Variants in RBM19 observed in about 807,000 individuals in gnomAD.
RBM19 encodes the protein probable RNA-binding protein 19.
Under a neutral mutation model 116.8 loss-of-function variants are expected in RBM19, and 94 were observed. That is an observed-to-expected ratio of 0.80 (90% CI 0.68 to 0.95). RBM19 has a LOEUF of 0.95. Ranked by LOEUF, RBM19 falls within the 40% of genes least tolerant of loss-of-function variation. The probability of loss-of-function intolerance (pLI) is 0.00; values close to 1 mark genes in which losing one functional copy is unlikely to be tolerated. For synonymous variants in RBM19, 475 were observed against 494.1 expected, an observed-to-expected ratio of 0.96 and a Z score of 0.51; for missense variants, 1,161 against 1,220.7, an observed-to-expected ratio of 0.95 and a Z score of 0.73.
intron 7 of RBM19, among the ~76,000 whole-genome samples, chr12:113,953,351 G>A (rs1871633685): frequency 6.6e-6 from 1 of 152,154 alleles, no homozygotes; most frequent in South Asian, 2.1e-4. Flanking sequence ...AGCTGGACAT[G>A]GTGACAGGTG....
intron 23 of RBM19, among the ~76,000 whole-genome samples, chr12:113,836,546 G>A (rs1001990958): frequency 2.6e-5 from 4 of 152,074 alleles, no homozygotes; most frequent in African/African-American, 9.7e-5. Flanking sequence ...CTGCCAGTAA[G>A]GAACCTGGAT....
At chr12:113,907,112 G>A (rs974578103) in intron 21 of RBM19, among the ~76,000 whole-genome samples, 1 of 151,788 alleles carries the variant, frequency 6.6e-6, no homozygotes, top group African/African-American at 2.4e-5. Flanking sequence ...CTGGAACTGT[G>A]AGAATACATG....
At chr12:113,908,794 C>T (rs1882241805) in intron 21 of RBM19, among the ~76,000 whole-genome samples, 1 of 152,184 alleles carries the variant, frequency 6.6e-6, no homozygotes, top group Admixed American at 6.5e-5. Flanking sequence ...TGCTGAACCT[C>T]TCTGTGCCTT....
chr12:113,850,849 G>T (rs989227720), intron 22 of RBM19, among the ~76,000 whole-genome samples: 7 of 152,244 alleles, frequency 4.6e-5, no homozygotes, highest in Admixed American at 3.3e-4. Context: ...TAACAAGGAC[G>T]ACATCAACCC....
chr12:113,888,964 C>T (rs1399976989), intron 21 of RBM19, among the ~76,000 whole-genome samples: 2 of 152,182 alleles, frequency 1.3e-5, no homozygotes, highest in African/African-American at 2.4e-5. Flanking sequence ...TTCTGGACGT[C>T]GCAATGACTG....
chr12:113,859,952 C>T (rs747565696), intron 21 of RBM19, among the ~76,000 whole-genome samples: 15 of 152,120 alleles, frequency 9.9e-5, no homozygotes, highest in Admixed American at 2.6e-4. Flanking sequence ...AAGCTAAATC[C>T]GAAGTGTTAA....
intron 21 of RBM19, among the ~76,000 whole-genome samples, chr12:113,907,812 A>G (rs1382104844): frequency 6.6e-6 from 1 of 152,182 alleles, no homozygotes; most frequent in Non-Finnish European, 1.5e-5. Flanking sequence ...GGGCCAGAGC[A>G]TCGATATTTG....
chr12:113,891,995 C>G (rs1362975498), intron 21 of RBM19, among the ~76,000 whole-genome samples: 9 of 152,192 alleles, frequency 5.9e-5, no homozygotes, highest in Admixed American at 5.2e-4. Context: ...CTGAATAACC[C>G]TGTCTGTGTC....
At chr12:113,955,096 C>G (rs1871802085) in intron 7 of RBM19, 35 bp downstream of exon 7, 1 of 1,606,758 alleles carries the variant, frequency 6.2e-7, no homozygotes, top group Admixed American at 1.7e-5. Context: ...CCTGCTCCCG[C>G]AGGCTGCCGA....
intron 21 of RBM19, among the ~76,000 whole-genome samples, chr12:113,869,360 C>T (rs947240624): frequency 9.9e-5 from 15 of 152,234 alleles, no homozygotes; most frequent in African/African-American, 3.6e-4. Flanking sequence ...GGCACCTCTG[C>T]CATCCCTTGG....
Position 113,890,010 on chromosome 12 carries a change from C to T in RBM19, c.2558+24959G>A, listed in dbSNP as rs529252627. 5.3e-5 allele frequency among the ~76,000 whole-genome samples: 8 copies of T among 152,340 alleles called. No individual in the cohort carries two copies. In the East Asian group the frequency reaches 1.2e-3, roughly 22 times the overall value. On this transcript the variant is annotated intron_variant, in intron 21 of 23. Coordinates refer to ENST00000261741, the MANE Select transcript of RBM19 (RefSeq NM_016196.4). ...AAGGCTGCAGCTACCTCCGGCTTTC[C>T]GGGCTGGAGCCCAGGCAGCTGGGAG...
At chr12:113,871,526 G>A (rs1879204579) in intron 21 of RBM19, among the ~76,000 whole-genome samples, 1 of 152,232 alleles carries the variant, frequency 6.6e-6, no homozygotes, top group African/African-American at 2.4e-5. Context: ...CGTGAAAGCG[G>A]CCCCTGATGA....
intron 2 of RBM19, among the ~76,000 whole-genome samples, chr12:113,961,392 C>T (rs146082890): frequency 8.1e-4 from 123 of 152,098 alleles, no homozygotes; most frequent in African/African-American, 2.7e-3. Flanking sequence ...GACATGCTCA[C>T]GGTACAAAAT....
chr12:113,941,264 C>T (rs1205258904), intron 14 of RBM19, among the ~76,000 whole-genome samples: 1 of 152,072 alleles, frequency 6.6e-6, no homozygotes, highest in Non-Finnish European at 1.5e-5. Flanking sequence ...AGGCTGGGCA[C>T]CTGTGGGCCT....
intron 20 of RBM19, among the ~76,000 whole-genome samples, chr12:113,917,978 T>TA (rs998796954): frequency 6.6e-6 from 1 of 152,226 alleles, no homozygotes; most frequent in Non-Finnish European, 1.5e-5. Flanking sequence ...CATTCAGCTC[T>TA]AAGAAAGCAC....
At chr12:113,933,672 G>C (rs747771170) in intron 16 of RBM19, among the ~76,000 whole-genome samples, 1 of 152,216 alleles carries the variant, frequency 6.6e-6, no homozygotes, top group Non-Finnish European at 1.5e-5. Flanking sequence ...CCGCGGGCAG[G>C]GGGTGGGAAA....
intron 21 of RBM19, among the ~76,000 whole-genome samples, chr12:113,879,729 T>C (rs1879973018): frequency 6.6e-6 from 1 of 152,092 alleles, no homozygotes; most frequent in South Asian, 2.1e-4. Flanking sequence ...CCTAGGCTGC[T>C]GGGGAGCTCG....
intron 13 of RBM19, among the ~76,000 whole-genome samples, chr12:113,945,312 C>A (rs115071479): frequency 0.013 from 2,042 of 152,238 alleles, 13 homozygotes; most frequent in South Asian, 0.022. Context: ...GAACGGAACC[C>A]AGCGACCCCC....
intron 21 of RBM19, among the ~76,000 whole-genome samples, chr12:113,892,327 C>T (rs1881014794): frequency 6.6e-6 from 1 of 152,082 alleles, no homozygotes; most frequent in African/African-American, 2.4e-5. Flanking sequence ...TTAATACCAG[C>T]CCTGCCTCCA....
Sources: gnomAD v4.1 joint callset for allele counts (sites outside exome capture counted in the v4.1 genomes callset) on GRCh38, gnomAD v4.1.1 for gene constraint, MANE v1.5 for transcripts, NCBI Gene and HGNC (gene_info 2026-07-23, HGNC 2026-07-21) for gene names.